Variants in WWOX observed in about 807,000 individuals in gnomAD.
WWOX encodes the protein WW domain containing oxidoreductase, also known as WW domain-containing oxidoreductase.
Under a neutral mutation model 46.2 loss-of-function variants are expected in WWOX, and 69 were observed. The ratio of observed to expected loss-of-function variants is 1.49; its 90% CI spans 1.23 to 1.82. The LOEUF (loss-of-function observed/expected upper bound fraction) is 1.82, where lower values mean the gene tolerates loss of function less well. Among genes scored for constraint, WWOX ranks in the 40% most tolerant of loss-of-function variants. The pLI, the probability that WWOX is intolerant of heterozygous loss-of-function variation, is 0.00. For missense variants in WWOX, 919 were observed against 542.6 expected, an observed-to-expected ratio of 1.69 and a Z score of -6.89; for synonymous variants, 359 against 202.6, an observed-to-expected ratio of 1.77 and a Z score of -6.56.
At chr16:78,480,181 A>G (rs2084452607) in intron 8 of WWOX, among the ~76,000 whole-genome samples, 1 of 152,314 alleles carries the variant, frequency 6.6e-6, no homozygotes, top group South Asian at 2.1e-4. Context: ...ATTGCTCTGA[A>G]ATAGCAGCCA....
chr16:78,554,755 C>T (rs1445239997), intron 8 of WWOX, among the ~76,000 whole-genome samples: 1 of 152,168 alleles, frequency 6.6e-6, no homozygotes, highest in African/African-American at 2.4e-5. Context: ...CAGCTCCCTT[C>T]TTCTCTATTT....
intron 4 of WWOX, among the ~76,000 whole-genome samples, chr16:78,152,146 C>T (rs1597274834): frequency 1.3e-5 from 2 of 151,346 alleles, no homozygotes; most frequent in Non-Finnish European, 1.5e-5. Flanking sequence ...GCCGAGATCG[C>T]GCCACTGCAC....
rs1399908028 is a variant in WWOX at position 79,212,183 on chromosome 16, G to A, written c.*387G>A. 7 of 1,471,712 alleles carry A rather than the reference G, an allele frequency of 4.8e-6. No homozygotes were observed. Among genetic ancestry groups the A allele is most frequent in the Non-Finnish European group, 3.6e-6 (4 of 1,119,040 alleles). 91.2% of individuals were successfully genotyped at this position (1,471,712 alleles called of 1,614,324 possible). A position where few individuals can be genotyped will look rare whatever the true frequency, so the allele number is the denominator to read the frequency against. On this transcript the variant is annotated 3_prime_UTR_variant, in exon 9 of 9. Coordinates refer to ENST00000566780, the MANE Select transcript of WWOX (RefSeq NM_016373.4). Reference sequence around the variant, plus strand: ...CCACCACGGCCACCACTGCAGCCGGGGGCTGGCCTTCTCCTACTTAGGGAA... The same window carrying A: ...CCACCACGGCCACCACTGCAGCCGGAGGCTGGCCTTCTCCTACTTAGGGAA...
At chr16:78,824,409 C>A (rs1361997146) in intron 8 of WWOX, among the ~76,000 whole-genome samples, 1 of 152,150 alleles carries the variant, frequency 6.6e-6, no homozygotes, top group African/African-American at 2.4e-5. Flanking sequence ...TCATTCATTC[C>A]TCTAATCAAT....
chr16:78,826,330 G>A (rs1456926507), intron 8 of WWOX, among the ~76,000 whole-genome samples: 4 of 152,196 alleles, frequency 2.6e-5, no homozygotes, highest in Non-Finnish European at 5.9e-5. Flanking sequence ...TGGGCAAAAA[G>A]AGTAAAACTC....
chr16:78,622,634 C>T (rs1427805244), intron 8 of WWOX, among the ~76,000 whole-genome samples: 1 of 152,006 alleles, frequency 6.6e-6, no homozygotes, highest in African/African-American at 2.4e-5. Context: ...CTCCTGGTGT[C>T]CAAGGCCTGA....
chr16:79,165,881 T>C (rs1172432304), intron 8 of WWOX, among the ~76,000 whole-genome samples: 1 of 152,214 alleles, frequency 6.6e-6, no homozygotes, highest in Non-Finnish European at 1.5e-5. Context: ...CCCGTCCCTC[T>C]TCTATTACCT....
At chr16:78,111,648 G>A (rs2032497569) in intron 3 of WWOX, among the ~76,000 whole-genome samples, 2 of 152,190 alleles carry the variant, frequency 1.3e-5, no homozygotes, top group African/African-American at 2.4e-5. Context: ...ATCCAGGCCT[G>A]CCCACAGTCA....
intron 5 of WWOX, among the ~76,000 whole-genome samples, chr16:78,252,918 T>C (rs2038022899): frequency 6.6e-6 from 1 of 152,186 alleles, no homozygotes; most frequent in Admixed American, 6.5e-5. Context: ...ATTGCAAAAT[T>C]ACACCATTTG....
intron 4 of WWOX, among the ~76,000 whole-genome samples, chr16:78,122,455 T>C (rs2033143439): frequency 6.6e-6 from 1 of 152,202 alleles, no homozygotes; most frequent in Non-Finnish European, 1.5e-5. Context: ...AATAGATTTT[T>C]GTTCTACTTG....
chr16:78,628,182 G>A (rs2046352008), intron 8 of WWOX, among the ~76,000 whole-genome samples: 1 of 151,432 alleles, frequency 6.6e-6, no homozygotes, highest in South Asian at 2.1e-4. Context: ...GCTTGGAATT[G>A]TCATGGCTGC....
intron 4 of WWOX, among the ~76,000 whole-genome samples, chr16:78,157,765 A>G (rs2034655526): frequency 6.6e-6 from 1 of 152,234 alleles, no homozygotes; most frequent in Admixed American, 6.5e-5. Flanking sequence ...TCTGGTTGGT[A>G]TTAAAGTCAT....
chr16:78,136,679 T>A (rs1362251076), intron 4 of WWOX, among the ~76,000 whole-genome samples: 1 of 152,204 alleles, frequency 6.6e-6, no homozygotes, highest in Non-Finnish European at 1.5e-5. Context: ...TAAAGAGATG[T>A]TTGGGTTTTA....
chr16:78,412,155 G>A (rs141950797), intron 6 of WWOX, among the ~76,000 whole-genome samples: 1 of 152,328 alleles, frequency 6.6e-6, no homozygotes, highest in Admixed American at 6.5e-5. Flanking sequence ...TGAGCCTAGA[G>A]ATACTGACAT....
chr16:78,794,840 C>G (rs1443522392), intron 8 of WWOX, among the ~76,000 whole-genome samples: 5 of 152,260 alleles, frequency 3.3e-5, no homozygotes. Context: ...GAACTGCCAA[C>G]TGTGGCTGCT....
intron 5 of WWOX, among the ~76,000 whole-genome samples, chr16:78,373,034 A>G (rs970277507): frequency 6.6e-6 from 1 of 152,172 alleles, no homozygotes; most frequent in Admixed American, 6.5e-5. Context: ...TCCAGAATCA[A>G]TTGACTTTTT....
intron 8 of WWOX, among the ~76,000 whole-genome samples, chr16:78,568,109 G>A (rs941629836): frequency 6.6e-6 from 1 of 152,104 alleles, no homozygotes; most frequent in East Asian, 1.9e-4. Context: ...AAATCCGTGC[G>A]GAATTTGAAA....
At chr16:78,316,647 C>G (rs112259063) in intron 5 of WWOX, among the ~76,000 whole-genome samples, 3,153 of 152,224 alleles carry the variant, frequency 0.021, 101 homozygotes, top group African/African-American at 0.072. Flanking sequence ...CTGGCCAAGT[C>G]TGTTTTTTAA....
intron 8 of WWOX, among the ~76,000 whole-genome samples, chr16:78,653,423 G>A (rs188838020): frequency 2.0e-4 from 31 of 152,302 alleles, no homozygotes; most frequent in Admixed American, 7.2e-4. Context: ...CTAATGATTA[G>A]TCTAAGCCCA....
Sources: allele counts gnomAD v4.1 joint callset (sites outside exome capture counted in the v4.1 genomes callset), GRCh38; gene constraint gnomAD v4.1.1; transcripts MANE v1.5; gene names NCBI Gene and HGNC (gene_info 2026-07-23, HGNC 2026-07-21).